The following RBFOX3 variants were observed in gnomAD, a reference collection of about 807,000 sequenced individuals.
RBFOX3 encodes RNA binding fox-1 homolog 3.
Under a neutral mutation model 48.7 loss-of-function variants are expected in RBFOX3, and 17 were observed. That is an observed-to-expected ratio of 0.35 (90% CI 0.24 to 0.52). RBFOX3 has a LOEUF of 0.52. Ranked by LOEUF, RBFOX3 falls within the 20% of genes least tolerant of loss-of-function variation. The pLI is 0.94. For missense variants in RBFOX3, 382 were observed against 497.5 expected (o/e 0.77, Z 2.21); for synonymous variants, 212 against 209.5 (o/e 1.01, Z -0.10).
chr17:79,626,289 C>T, the RBFOX3 span, among the ~76,000 whole-genome samples: 1 of 152,162 alleles, frequency 6.6e-6, no homozygotes, highest in Non-Finnish European at 1.5e-5. Flanking sequence ...CCATCCCATT[C>T]CGTCCACAGC....
At chr17:79,568,702 C>T (rs1015911524) in intron 1 of RBFOX3, among the ~76,000 whole-genome samples, 3 of 152,212 alleles carry the variant, frequency 2.0e-5, no homozygotes, top group Admixed American at 1.3e-4. Flanking sequence ...AAGAGACCCC[C>T]ATGCCCTGTA....
rs868933562 is a variant in RBFOX3, at chr17:79,477,238, A to T, written c.-175+5216T>A. ...AAAGAGCAAGGCTCCGTTTCAAAAA[A>T]AAATAAATAAAGATAAATTAAAAAA... On this transcript the variant is annotated intron_variant, in intron 2 of 14. Coordinates refer to ENST00000693108, the MANE Select transcript of RBFOX3 (RefSeq NM_001350451.2). The surrounding 1 kb of genome is among the most constrained non-coding windows in gnomAD (Gnocchi z 4.8). Among the ~76,000 whole-genome samples, 761 of 140,332 alleles carry T rather than the reference A, an allele frequency of 5.4e-3. 2 individuals are homozygous for T. The highest frequency in any genetic ancestry group is 0.018 in the African/African-American group (689 of 37,846). 92.1% of individuals were successfully genotyped at this position (140,332 alleles called of 152,430 possible).
chr17:79,200,646 T>C (rs1444743867), intron 4 of RBFOX3, among the ~76,000 whole-genome samples: 2 of 152,130 alleles, frequency 1.3e-5, no homozygotes, highest in African/African-American at 2.4e-5. Context: ...GTCACGTCTC[T>C]GGGGAGTTGA....
Position 79,381,078 on chromosome 17 carries a change from G to A in RBFOX3, c.-174-73254C>T, listed in dbSNP as rs573827156. Among the ~76,000 whole-genome samples, 69 of 152,202 alleles carry A rather than the reference G, an allele frequency of 4.5e-4. No individual in the cohort carries two copies. In the South Asian group the frequency reaches 0.012, roughly 26 times the overall value. ...AGATCAAGACCATCCTAACTAACACGGTGAAACCCCGTTTCTACTGAAATT... is the reference window on the plus strand; with the variant it reads ...AGATCAAGACCATCCTAACTAACACAGTGAAACCCCGTTTCTACTGAAATT... On this transcript the variant is annotated intron_variant, in intron 2 of 14. Coordinates refer to ENST00000693108, the MANE Select transcript of RBFOX3 (RefSeq NM_001350451.2).
At chr17:79,381,518 G>A (rs1347162627) in intron 2 of RBFOX3, among the ~76,000 whole-genome samples, 1 of 152,178 alleles carries the variant, frequency 6.6e-6, no homozygotes, top group Non-Finnish European at 1.5e-5. Context: ...CGCATCCTGG[G>A]CCACAGACGT....
At chr17:79,293,809 G>C (rs955304073) in intron 3 of RBFOX3, among the ~76,000 whole-genome samples, 1 of 152,174 alleles carries the variant, frequency 6.6e-6, no homozygotes, top group Non-Finnish European at 1.5e-5. Flanking sequence ...TAAGCAGGAA[G>C]GCTGCCCTGT....
intron 2 of RBFOX3, among the ~76,000 whole-genome samples, chr17:79,309,295 C>T (rs921600359): frequency 1.3e-4 from 20 of 152,092 alleles, no homozygotes; most frequent in Middle Eastern, 3.4e-3. Flanking sequence ...TTGGGGTCTC[C>T]GCTGAAACTT....
intron 4 of RBFOX3, among the ~76,000 whole-genome samples, chr17:79,193,252 C>T (rs544132024): frequency 7.2e-5 from 11 of 152,158 alleles, no homozygotes; most frequent in East Asian, 5.8e-4. Flanking sequence ...GCTCGGAAGC[C>T]GGGCTTGTAA....
chr17:79,403,386 T>TG (rs1001131627), intron 2 of RBFOX3, among the ~76,000 whole-genome samples: 3 of 152,184 alleles, frequency 2.0e-5, no homozygotes, highest in African/African-American at 4.8e-5. Context: ...GCAGCTCCCA[T>TG]GGGGGGTTCA....
chr17:79,310,294 C>G (rs548662783), intron 2 of RBFOX3, among the ~76,000 whole-genome samples: 9 of 152,240 alleles, frequency 5.9e-5, no homozygotes, highest in Admixed American at 3.9e-4. Context: ...GATTCCTGAG[C>G]CTGGGGGTCC....
At chr17:79,248,841 C>T (rs2063530831) in intron 3 of RBFOX3, among the ~76,000 whole-genome samples, 1 of 152,354 alleles carries the variant, frequency 6.6e-6, no homozygotes, top group South Asian at 2.1e-4. Context: ...CAGCATCCAG[C>T]CTCACTTACC....
intron 1 of RBFOX3, among the ~76,000 whole-genome samples, chr17:79,541,584 C>T (rs2089699564): frequency 1.3e-5 from 2 of 152,218 alleles, no homozygotes; most frequent in African/African-American, 4.8e-5. Flanking sequence ...GACACGGCTT[C>T]TCCCCTTGAC....
rs567996193 is a variant in RBFOX3 at position 79,310,468 on chromosome 17, C to T, written c.-174-2644G>A. Among the ~76,000 whole-genome samples the T allele has an allele frequency of 1.2e-4, 19 of 152,292 alleles. No homozygotes were observed. The South Asian group carries it at 3.7e-3, about 30-fold the overall frequency. ...TTCCTGTAGACTTTTTTCTGCACTCCTCCCAGTAGAGGCTCCCATGGGCCC... is the reference window on the plus strand; with the variant it reads ...TTCCTGTAGACTTTTTTCTGCACTCTTCCCAGTAGAGGCTCCCATGGGCCC... On this transcript the variant is annotated intron_variant, in intron 2 of 14. Transcript: ENST00000693108.
At chr17:79,442,035 C>T (rs570743939) in intron 2 of RBFOX3, among the ~76,000 whole-genome samples, 155 of 151,840 alleles carry the variant, frequency 1.0e-3, no homozygotes, top group Non-Finnish European at 1.5e-3. Context: ...AGGGAAGCTT[C>T]CAAGAGCAAA....
chr17:79,169,143 T>C (rs1397515852), intron 4 of RBFOX3, among the ~76,000 whole-genome samples: 1 of 152,188 alleles, frequency 6.6e-6, no homozygotes, highest in Admixed American at 6.5e-5. Flanking sequence ...CGGTGTCATT[T>C]CCTACTTGGG....
chr17:79,522,129 T>C (rs1337860412), intron 1 of RBFOX3, among the ~76,000 whole-genome samples: 9 of 152,248 alleles, frequency 5.9e-5, no homozygotes, highest in Non-Finnish European at 1.3e-4. Context: ...CCTCTAATGC[T>C]GAAAAACTGT....
At chr17:79,256,626 A>G (rs1267605471) in intron 3 of RBFOX3, among the ~76,000 whole-genome samples, 1 of 152,170 alleles carries the variant, frequency 6.6e-6, no homozygotes, top group Non-Finnish European at 1.5e-5. Flanking sequence ...TAAGAAAGGG[A>G]AAGAAGTTCT....
intron 2 of RBFOX3, among the ~76,000 whole-genome samples, chr17:79,459,375 C>T (rs1178119517): frequency 6.6e-6 from 1 of 152,162 alleles, no homozygotes; most frequent in Non-Finnish European, 1.5e-5. Flanking sequence ...TTCCCTCCAC[C>T]CACCCTCCAA....
intron 8 of RBFOX3, among the ~76,000 whole-genome samples, chr17:79,102,282 A>G (rs1317141347): frequency 6.6e-6 from 1 of 152,134 alleles, no homozygotes; most frequent in Non-Finnish European, 1.5e-5. Flanking sequence ...GGGAGTCGAG[A>G]ATAGCAGGGG....
Sources: gnomAD v4.1 joint callset for allele counts (sites outside exome capture counted in the v4.1 genomes callset) on GRCh38, gnomAD v4.1.1 for gene constraint, Gnocchi (gnomAD v3.1) non-coding constraint, MANE v1.5 for transcripts, NCBI Gene and HGNC (gene_info 2026-07-23, HGNC 2026-07-21) for gene names.